Variants in MEP1A observed in about 807,000 individuals in gnomAD.
MEP1A encodes the protein meprin A subunit alpha, also known as N-benzoyl-L-tyrosyl-P-amino-benzoic acid hydrolase subunit alpha.
In MEP1A, 68 loss-of-function variants were observed where a neutral mutation model predicts 84.5. The observed-to-expected ratio is 0.80, with a 90% CI of 0.66 to 0.98. The LOEUF (loss-of-function observed/expected upper bound fraction) is 0.98, where lower values mean the gene tolerates loss of function less well. Ranked by LOEUF, MEP1A falls within the 50% of genes least tolerant of loss-of-function variation. The pLI is 0.00. For missense variants in MEP1A, 887 were observed against 919.9 expected (o/e 0.96, Z 0.46); for synonymous variants, 337 against 336.8 (o/e 1.00, Z -0.01).
chr6:46,825,853 G>A (rs1767930526), intron 8 of MEP1A, among the ~76,000 whole-genome samples: 1 of 152,100 alleles, frequency 6.6e-6, no homozygotes, highest in Admixed American at 6.5e-5. Context: ...TCTTTTGGAG[G>A]GTGCATTATT....
chr6:46,812,018 A>G (rs988080847), intron 6 of MEP1A, among the ~76,000 whole-genome samples: 15 of 151,992 alleles, frequency 9.9e-5, no homozygotes, highest in African/African-American at 2.7e-4. Flanking sequence ...CTCTTTCTCT[A>G]TCTTTTGGAA....
chr6:46,845,466 T>A, the MEP1A span, among the ~76,000 whole-genome samples: 46 of 152,350 alleles, frequency 3.0e-4, no homozygotes, highest in African/African-American at 1.0e-3. Context: ...AAACTTCTAC[T>A]TTAAGTCACC....
chr6:46,834,239 T>C (rs1470859232), intron 11 of MEP1A, among the ~76,000 whole-genome samples: 1 of 151,236 alleles, frequency 6.6e-6, no homozygotes, highest in Non-Finnish European at 1.5e-5. Context: ...TTTTTTTTTT[T>C]CAAAAGAGAA....
intron 9 of MEP1A, among the ~76,000 whole-genome samples, chr6:46,828,421 A>G (rs951921767): frequency 6.6e-6 from 1 of 152,194 alleles, no homozygotes; most frequent in African/African-American, 2.4e-5. Context: ...TGCTGATATG[A>G]AAGGCACGTG....
intron 5 of MEP1A, among the ~76,000 whole-genome samples, chr6:46,807,705 A>G (rs914646850): frequency 6.7e-6 from 1 of 148,326 alleles, no homozygotes; most frequent in African/African-American, 2.5e-5. Flanking sequence ...GGAGAAGGAA[A>G]AAACAAGAAG....
intron 6 of MEP1A, among the ~76,000 whole-genome samples, chr6:46,811,283 G>T (rs1441145483): frequency 6.6e-6 from 1 of 152,060 alleles, no homozygotes; most frequent in Non-Finnish European, 1.5e-5. Context: ...GACACTGTTG[G>T]TGTTTAGCAG....
chr6:46,834,938 A>T (rs1768178125), intron 12 of MEP1A, among the ~76,000 whole-genome samples, 187 bp downstream of exon 12: 1 of 152,178 alleles, frequency 6.6e-6, no homozygotes, highest in Admixed American at 6.5e-5. Context: ...AAAGAAACTG[A>T]AATTTTAGTG....
Position 46,833,347 on chromosome 6 carries a change from C to A in MEP1A, c.1418C>A (p.Pro473Gln). ...EGYGFGVTLY[P>Q]NSRESSGYLR... ...TATGGTTTTGGGGTAACTTTATACC[C>A]AAATAGCAGAGAAAGCTCTGGTTAC... is the stretch of plus-strand genomic sequence containing the variant. Residue 473 changes from proline (P) to glutamine (Q), a missense_variant, in exon 11 of 14, where the codon CCA (proline) becomes CAA (glutamine). Coordinates refer to ENST00000230588, the MANE Select transcript of MEP1A (RefSeq NM_005588.3). 1 of 1,614,176 alleles carries A rather than the reference C, an allele frequency of 6.2e-7. No homozygotes were observed. Among genetic ancestry groups the A allele is most frequent in the Non-Finnish European group, 8.5e-7 (1 of 1,180,020 alleles).
At chr6:46,824,439 G>T (rs1013803241) in intron 7 of MEP1A, among the ~76,000 whole-genome samples, 1 of 143,946 alleles carries the variant, frequency 6.9e-6, no homozygotes, top group Non-Finnish European at 1.5e-5. Flanking sequence ...TATTAATAAT[G>T]ATTCATAGTA....
intron 7 of MEP1A, 57 bp from the exon 8 acceptor site, chr6:46,825,215 A>C (rs924900176): frequency 1.8e-6 from 2 of 1,136,276 alleles, no homozygotes; most frequent in Admixed American, 2.0e-5. Flanking sequence ...CTAGTCAAAG[A>C]GTAGCATGGG....
chr6:46,809,946 G>A (rs891134579), intron 6 of MEP1A, among the ~76,000 whole-genome samples: 5 of 151,180 alleles, frequency 3.3e-5, no homozygotes, highest in East Asian at 1.9e-4. Flanking sequence ...TATCTTTTTC[G>A]TATAATGACT....
intron 9 of MEP1A, among the ~76,000 whole-genome samples, chr6:46,826,879 T>C (rs1055923773): frequency 6.6e-6 from 1 of 152,200 alleles, no homozygotes. Flanking sequence ...ACATGGGACT[T>C]TTAATACCTC....
At chr6:46,793,606 G>A in intron 2 of MEP1A, 30 bp downstream of exon 2, 3 of 1,568,394 alleles carry the variant, frequency 1.9e-6, no homozygotes, top group South Asian at 2.3e-5. Context: ...CACAGAGAGT[G>A]TTTTTGAACT....
the MEP1A span, among the ~76,000 whole-genome samples, chr6:46,845,224 G>A: frequency 6.6e-6 from 1 of 152,182 alleles, no homozygotes; most frequent in African/African-American, 2.4e-5. Flanking sequence ...AATGTTGCAT[G>A]TGATCTTCTG....
intron 3 of MEP1A, among the ~76,000 whole-genome samples, chr6:46,795,533 T>C (rs1767032176): frequency 6.6e-6 from 1 of 152,106 alleles, no homozygotes. Flanking sequence ...ACTCAAGACC[T>C]TGTGATCCGC....
At chr6:46,819,731 C>T (rs748042645) in intron 7 of MEP1A, 27 bp downstream of exon 7, 3 of 1,605,656 alleles carry the variant, frequency 1.9e-6, no homozygotes, top group South Asian at 2.2e-5. Flanking sequence ...ATTGCTATCA[C>T]ATTTATCACT....
At chr6:46,815,523 C>T (rs1177039087) in intron 6 of MEP1A, among the ~76,000 whole-genome samples, 3 of 152,182 alleles carry the variant, frequency 2.0e-5, no homozygotes, top group Admixed American at 2.0e-4. Flanking sequence ...CACGAGCCTC[C>T]TTGTTGAGAA....
Position 46,825,500 on chromosome 6 carries a change from ATC to A in MEP1A, c.778+10_778+11del. ...AACCGAATGTACAATTGCAGTGAGT[ATC>A]TCAGTTTCTGAGAACTTGGTAAACT... is the stretch of plus-strand genomic sequence containing the variant. On this transcript the variant is annotated splice_region_variant and intron_variant, in intron 8 of 13. Transcript: ENST00000230588. 2 of 1,593,032 alleles carry A rather than the reference ATC, an allele frequency of 1.3e-6. No individual in the cohort carries two copies. The highest frequency in any genetic ancestry group is 1.7e-6 in the Non-Finnish European group (2 of 1,163,542).
intron 6 of MEP1A, among the ~76,000 whole-genome samples, chr6:46,816,772 C>T (rs894083068): frequency 3.3e-5 from 5 of 152,088 alleles, no homozygotes; most frequent in East Asian, 3.8e-4. Context: ...TTTAGGACTG[C>T]GGGCTGCATG....
Sources: allele counts gnomAD v4.1 joint callset (sites outside exome capture counted in the v4.1 genomes callset), GRCh38; gene constraint gnomAD v4.1.1; transcripts MANE v1.5; gene names NCBI Gene and HGNC (gene_info 2026-07-23, HGNC 2026-07-21).